Variants in CADM2 observed in about 807,000 individuals in gnomAD.
The protein encoded by CADM2 is cell adhesion molecule 2.
Under a neutral mutation model 49.8 loss-of-function variants are expected in CADM2, and 12 were observed. The observed-to-expected ratio is 0.24, with a 90% CI of 0.15 to 0.39. CADM2 has a LOEUF of 0.39. Ranked by LOEUF, CADM2 falls within the 10% of genes least tolerant of loss-of-function variation. The pLI is 1.00. For synonymous variants in CADM2, 214 were observed against 175.4 expected, an observed-to-expected ratio of 1.22 and a Z score of -1.74; for missense variants, 378 against 492.3, an observed-to-expected ratio of 0.77 and a Z score of 2.20.
chr3:85,895,154 G>A (rs1168368645), intron 5 of CADM2, among the ~76,000 whole-genome samples: 1 of 152,186 alleles, frequency 6.6e-6, no homozygotes, highest in Non-Finnish European at 1.5e-5. Flanking sequence ...GAATGCAGCT[G>A]GGAGGGGGGC....
chr3:85,568,445 T>TTTCTCTCTC (rs1553743611), intron 1 of CADM2, among the ~76,000 whole-genome samples: 1 of 33,102 alleles, frequency 3.0e-5, no homozygotes, highest in African/African-American at 1.0e-4. Flanking sequence ...CTTTCTTTCT[T>TTTCTCTCTC]TCTTTCTTTC....
intron 7 of CADM2, among the ~76,000 whole-genome samples, chr3:85,945,538 T>C (rs941665066): frequency 2.0e-5 from 3 of 152,132 alleles, no homozygotes; most frequent in African/African-American, 7.2e-5. Flanking sequence ...AATAAAATAC[T>C]GGCAAACCAA....
intron 1 of CADM2, among the ~76,000 whole-genome samples, chr3:85,417,455 C>T (rs1353061286): frequency 1.3e-5 from 2 of 152,186 alleles, no homozygotes; most frequent in East Asian, 1.9e-4. Flanking sequence ...ATATTTTAAA[C>T]GATGTCACCA....
intron 1 of CADM2, among the ~76,000 whole-genome samples, chr3:85,289,169 T>C (rs961004313): frequency 6.6e-6 from 1 of 152,194 alleles, no homozygotes; most frequent in African/African-American, 2.4e-5. Flanking sequence ...AATTTACCCA[T>C]CTACTTAGCT....
At chr3:85,142,812 C>A in intron 1 of CADM2, among the ~76,000 whole-genome samples, 1 of 152,154 alleles carries the variant, frequency 6.6e-6, no homozygotes, top group South Asian at 2.1e-4. Context: ...TGAGAATTCC[C>A]GCACAGTCTC....
chr3:85,893,368 T>C (rs951744167), intron 5 of CADM2, among the ~76,000 whole-genome samples: 1 of 152,264 alleles, frequency 6.6e-6, no homozygotes, highest in African/African-American at 2.4e-5. Context: ...AGGACTTAAA[T>C]GTTAGACCTA....
chr3:85,062,564 AATTTTTAT>A (rs2036371997), intron 1 of CADM2, among the ~76,000 whole-genome samples: 1 of 151,980 alleles, frequency 6.6e-6, no homozygotes, highest in Non-Finnish European at 1.5e-5. Flanking sequence ...TAATTTTTAA[AATTTTTAT>A]TTAAAGGCAC....
At chr3:85,372,017 T>C (rs2033276629) in intron 1 of CADM2, among the ~76,000 whole-genome samples, 1 of 151,888 alleles carries the variant, frequency 6.6e-6, no homozygotes, top group African/African-American at 2.4e-5. Context: ...AGATATGAAA[T>C]AATATTATTT....
At chr3:85,964,751 G>A (rs111236667) in intron 8 of CADM2, among the ~76,000 whole-genome samples, 243 of 151,876 alleles carry the variant, frequency 1.6e-3, no homozygotes, top group Non-Finnish European at 3.1e-3. Flanking sequence ...AAGAAAGAAA[G>A]TAGCACATTT....
chr3:85,077,619 CT>C (rs935056701), intron 1 of CADM2, among the ~76,000 whole-genome samples: 4 of 151,930 alleles, frequency 2.6e-5, no homozygotes, highest in Non-Finnish European at 4.4e-5. Context: ...AAATGCACCC[CT>C]AGGTCTCTAA....
At chr3:85,640,507 G>T (rs1034628614) in intron 1 of CADM2, among the ~76,000 whole-genome samples, 2 of 152,186 alleles carry the variant, frequency 1.3e-5, no homozygotes, top group Non-Finnish European at 2.9e-5. Context: ...TGGAGAGGTG[G>T]AGTTAGTATT....
intron 1 of CADM2, among the ~76,000 whole-genome samples, chr3:85,460,535 A>G (rs2038198139): frequency 6.6e-6 from 1 of 152,158 alleles, no homozygotes; most frequent in Non-Finnish European, 1.5e-5. Flanking sequence ...TGAAGGTTAT[A>G]GGCATACTCT....
chr3:85,904,113 G>C (rs995084218), intron 5 of CADM2, among the ~76,000 whole-genome samples: 1 of 152,040 alleles, frequency 6.6e-6, no homozygotes, highest in Non-Finnish European at 1.5e-5. Context: ...CAAATAGTTC[G>C]TTCCCTTAGA....
intron 1 of CADM2, among the ~76,000 whole-genome samples, chr3:85,030,857 C>T (rs143025614): frequency 2.5e-4 from 38 of 152,262 alleles, no homozygotes; most frequent in African/African-American, 9.1e-4. Context: ...AATATCTTTC[C>T]ATCCTGTATC....
intron 1 of CADM2, among the ~76,000 whole-genome samples, chr3:85,108,139 T>C (rs2038317201): frequency 6.6e-6 from 1 of 152,190 alleles, no homozygotes; most frequent in African/African-American, 2.4e-5. Flanking sequence ...CTAGTAGCAT[T>C]ATTTACAATA....
chr3:85,515,659 A>C (rs1576697049), intron 1 of CADM2, among the ~76,000 whole-genome samples: 1 of 144,250 alleles, frequency 6.9e-6, no homozygotes, highest in East Asian at 2.1e-4. Context: ...TTTAGTAGAG[A>C]CAGGGCTTCA....
chr3:85,787,452 T>A (rs2071059652), intron 2 of CADM2, among the ~76,000 whole-genome samples: 1 of 152,110 alleles, frequency 6.6e-6, no homozygotes, highest in African/African-American at 2.4e-5. Flanking sequence ...GACTTAGGGA[T>A]CATGATTAAG....
chr3:85,785,746 G>A (rs2070943315), intron 2 of CADM2, among the ~76,000 whole-genome samples: 1 of 152,058 alleles, frequency 6.6e-6, no homozygotes, highest in East Asian at 1.9e-4. Flanking sequence ...CATCTTTGGA[G>A]TCTATTTAAG....
At chr3:85,104,069 A>G (rs2107550965) in intron 1 of CADM2, among the ~76,000 whole-genome samples, 1 of 152,104 alleles carries the variant, frequency 6.6e-6, no homozygotes, top group East Asian at 1.9e-4. Flanking sequence ...CCATTTGTCA[A>G]TTTTGGCTTT....
Sources: allele counts gnomAD v4.1 joint callset (sites outside exome capture counted in the v4.1 genomes callset), GRCh38; gene constraint gnomAD v4.1.1; transcripts MANE v1.5; gene names NCBI Gene and HGNC (gene_info 2026-07-23, HGNC 2026-07-21).